Variants in SPATA6 observed in about 807,000 individuals in gnomAD.
SPATA6 encodes the protein spermatogenesis-associated protein 6.
SPATA6 carries 56 observed loss-of-function variants against 65.3 expected under a neutral mutation model. The ratio of observed to expected loss-of-function variants is 0.86; its 90% CI spans 0.69 to 1.07. The LOEUF (loss-of-function observed/expected upper bound fraction) is 1.07. SPATA6 is among the 50% of genes least tolerant of loss of function. The pLI is 0.00. For missense variants in SPATA6, 590 were observed against 594.8 expected (o/e 0.99, Z 0.08); for synonymous variants, 199 against 213.2 (o/e 0.93, Z 0.58).
chr1:48,435,469 G>GAATGCACCAATCAGCACTCTGTAAA (rs1193001026), intron 3 of SPATA6, among the ~76,000 whole-genome samples: 11 of 151,510 alleles, frequency 7.3e-5, no homozygotes, highest in African/African-American at 2.7e-4. Flanking sequence ...AAAGGATTGT[G>GAATGCACCAATCAGCACTCTGTAAA]AATGCACCAA....
chr1:48,329,958 A>G (rs964021836), intron 11 of SPATA6, among the ~76,000 whole-genome samples: 2 of 152,132 alleles, frequency 1.3e-5, no homozygotes, highest in African/African-American at 4.8e-5. Flanking sequence ...TTGCAGGGGG[A>G]ACTTCTGAGT....
At chr1:48,303,532 T>C (rs1415336817) in intron 12 of SPATA6, among the ~76,000 whole-genome samples, 1 of 152,224 alleles carries the variant, frequency 6.6e-6, no homozygotes, top group Non-Finnish European at 1.5e-5. Flanking sequence ...TTTGTCTTTC[T>C]GTGCCTGGCT....
chr1:48,344,264 A>G (rs1203130145), intron 11 of SPATA6: 1 of 152,192 alleles, frequency 6.6e-6, no homozygotes, highest in African/African-American at 2.4e-5. Flanking sequence ...GAAGATTAGC[A>G]TAGCCCCTGC....
At chr1:48,325,094 G>T (rs1037246805) in intron 11 of SPATA6, 2 of 439,178 alleles carry the variant, frequency 4.6e-6, no homozygotes, top group Non-Finnish European at 8.6e-6. Flanking sequence ...CAGTAAGGAA[G>T]ATGTGGGCTT....
intron 9 of SPATA6, among the ~76,000 whole-genome samples, chr1:48,362,653 A>G (rs1646849657): frequency 9.1e-6 from 1 of 110,156 alleles, no homozygotes; most frequent in South Asian, 3.7e-4. Context: ...TCCAATGACA[A>G]TAACTGCAAA....
chr1:48,329,376 A>C (rs1645850696), intron 11 of SPATA6, among the ~76,000 whole-genome samples: 1 of 152,234 alleles, frequency 6.6e-6, no homozygotes, highest in Admixed American at 6.5e-5. Flanking sequence ...TAGAAGAAAA[A>C]GTAGAACATA....
chr1:48,456,511 G>A (rs958882193), intron 1 of SPATA6, among the ~76,000 whole-genome samples: 2 of 150,972 alleles, frequency 1.3e-5, no homozygotes, highest in Admixed American at 6.6e-5. Flanking sequence ...AAAAAAAAAA[G>A]AGCAGTCAAT....
chr1:48,331,517 A>G (rs1486977803), intron 11 of SPATA6, among the ~76,000 whole-genome samples: 2 of 152,160 alleles, frequency 1.3e-5, no homozygotes, highest in Non-Finnish European at 2.9e-5. Flanking sequence ...TCAGACAAGA[A>G]TAAAGAAAAA....
chr1:48,461,980 G>T (rs1357953468), intron 1 of SPATA6, among the ~76,000 whole-genome samples: 1 of 152,236 alleles, frequency 6.6e-6, no homozygotes, highest in Non-Finnish European at 1.5e-5. Context: ...TTAAGAAAAT[G>T]TGGCACATAT....
intron 11 of SPATA6, among the ~76,000 whole-genome samples, chr1:48,322,763 T>C (rs937402769): frequency 2.6e-5 from 4 of 152,130 alleles, no homozygotes; most frequent in African/African-American, 9.7e-5. Flanking sequence ...GGGTGAAGGA[T>C]ATGAACAGAC....
chr1:48,439,259 G>A (rs573598402), intron 3 of SPATA6, among the ~76,000 whole-genome samples: 6 of 152,202 alleles, frequency 3.9e-5, no homozygotes, highest in African/African-American at 7.2e-5. Context: ...AGAATGCGTC[G>A]GTAAGGGCCA....
chr1:48,385,503 C>T (rs1187344910), intron 8 of SPATA6, among the ~76,000 whole-genome samples, 154 bp from the exon 9 acceptor site: 1 of 151,984 alleles, frequency 6.6e-6, no homozygotes, highest in African/African-American at 2.4e-5. Context: ...GATAATAATC[C>T]ATTAGTTAAA....
chr1:48,311,106 C>A (rs1243189395), intron 11 of SPATA6, among the ~76,000 whole-genome samples: 3 of 151,884 alleles, frequency 2.0e-5, no homozygotes, highest in African/African-American at 7.3e-5. Flanking sequence ...GCTATAAACA[C>A]CTACATGAAA....
chr1:48,429,603 A>G (rs1245196081), intron 3 of SPATA6, among the ~76,000 whole-genome samples: 3 of 152,176 alleles, frequency 2.0e-5, no homozygotes, highest in Non-Finnish European at 4.4e-5. Context: ...GGGATAAAAG[A>G]AACAAGAAAT....
rs776564291 is a variant in SPATA6, at chr1:48,395,367, G to A, written c.781-13C>T. On this transcript the variant is annotated splice_polypyrimidine_tract_variant and intron_variant, in intron 7 of 12. Coordinates refer to ENST00000371847, the MANE Select transcript of SPATA6 (RefSeq NM_019073.4). ...TTGGGGGATCAACCTAGAGGAAGCA[G>A]GATTTTTATGTAAAAGAGAGTTTAA... is the stretch of plus-strand genomic sequence containing the variant. The A allele has an allele frequency of 2.6e-6, 4 of 1,517,824 alleles. No individual in the cohort carries two copies. The highest frequency in any genetic ancestry group is 1.3e-5 in the South Asian group (1 of 75,834). The allele number at this position is 1,517,824 out of a possible 1,614,324, so 94.0% of individuals were successfully genotyped here.
intron 11 of SPATA6, among the ~76,000 whole-genome samples, chr1:48,312,680 G>A (rs1557542618): frequency 6.6e-6 from 1 of 151,044 alleles, no homozygotes; most frequent in African/African-American, 2.4e-5. Flanking sequence ...ACCAGCAACG[G>A]AACAAAGTGG....
At chr1:48,283,644 A>T in the SPATA6 span, among the ~76,000 whole-genome samples, 1 of 138,736 alleles carries the variant, frequency 7.2e-6, no homozygotes, top group Non-Finnish European at 1.6e-5. Context: ...ACGCCACTGC[A>T]ATCTAGCCTG....
chr1:48,444,560 C>A (rs183750189), intron 3 of SPATA6, among the ~76,000 whole-genome samples: 32 of 152,100 alleles, frequency 2.1e-4, no homozygotes, highest in African/African-American at 7.5e-4. Flanking sequence ...GACCAATCAG[C>A]ACTCTGTAAA....
intron 10 of SPATA6, among the ~76,000 whole-genome samples, 191 bp downstream of exon 10, chr1:48,359,395 T>C (rs1646745572): frequency 6.6e-6 from 1 of 152,226 alleles, no homozygotes; most frequent in Non-Finnish European, 1.5e-5. Context: ...AACTCACATA[T>C]AGAGAACTGT....
Sources: gnomAD v4.1 joint callset for allele counts (sites outside exome capture counted in the v4.1 genomes callset) on GRCh38, gnomAD v4.1.1 for gene constraint, MANE v1.5 for transcripts, NCBI Gene and HGNC (gene_info 2026-07-23, HGNC 2026-07-21) for gene names.